RBM4: variants seen among roughly 807,000 people sequenced by gnomAD.
The protein encoded by RBM4 is RNA-binding protein 4.
RBM4 carries 7 observed loss-of-function variants against 29.5 expected under a neutral mutation model. That is an observed-to-expected ratio of 0.24 (90% CI 0.14 to 0.45). RBM4 has a LOEUF of 0.45. Among genes scored for constraint, RBM4 ranks in the 20% least tolerant of loss-of-function variants. The pLI is 1.00. For synonymous variants in RBM4, 220 were observed against 205.4 expected, an observed-to-expected ratio of 1.07 and a Z score of -0.61; for missense variants, 387 against 502.3, an observed-to-expected ratio of 0.77 and a Z score of 2.19.
Position 66,643,390 on chromosome 11 carries a change from G to T in RBM4, c.413-60G>T. On this transcript the variant is annotated intron_variant, in intron 2 of 3. Coordinates refer to ENST00000310092, the MANE Select transcript of RBM4 (RefSeq NM_002896.4). The surrounding 1 kb of genome is among the most constrained non-coding windows in gnomAD (Gnocchi z 6.1). ...GCCATTGCTATGACCAGTGTCTGGG[G>T]TAGGGGCTGGGGCTATGACTAAGAG... is the stretch of plus-strand genomic sequence containing the variant. 1 of 1,544,100 alleles carries T rather than the reference G, an allele frequency of 6.5e-7. No homozygotes were observed. Among genetic ancestry groups the T allele is most frequent in the Non-Finnish European group, 8.8e-7 (1 of 1,141,612 alleles).
At chr11:66,665,239 A>T (rs901661784) in intron 2 of RBM4, 3 of 316,846 alleles carry the variant, frequency 9.5e-6, no homozygotes, top group Admixed American at 9.4e-5. Flanking sequence ...TTTAAAGGGA[A>T]AGGAGATGCT....
At chr11:66,659,675 TTCTC>T (rs979021521) in intron 2 of RBM4, among the ~76,000 whole-genome samples, 5 of 152,246 alleles carry the variant, frequency 3.3e-5, no homozygotes, top group African/African-American at 7.2e-5. Flanking sequence ...CCTTATCCCA[TTCTC>T]TCTTTCAGCC....
downstream of RBM4, among the ~76,000 whole-genome samples, chr11:66,646,927 C>T (rs1938708681): frequency 6.6e-6 from 1 of 152,202 alleles, no homozygotes; most frequent in Admixed American, 6.5e-5. Context: ...AGGCCAGTGA[C>T]ATGTGTTGAT....
intron 2 of RBM4, chr11:66,665,728 TG>T: frequency 5.1e-6 from 7 of 1,359,572 alleles, no homozygotes; most frequent in Non-Finnish European, 7.0e-6. Context: ...TCATATCCCA[TG>T]TAATTACCTA....
At chr11:66,653,070 T>A (rs957458611) in intron 2 of RBM4, among the ~76,000 whole-genome samples, 1 of 152,172 alleles carries the variant, frequency 6.6e-6, no homozygotes, top group Non-Finnish European at 1.5e-5. Flanking sequence ...TGGTTTGAGT[T>A]CCTCTGTCCA....
At position 66,643,675 on chromosome 11, in the gene RBM4, AC is replaced by A; in HGVS notation, c.639del (p.Asn213LysfsTer155). The A allele has an allele frequency of 6.2e-7, 1 of 1,614,096 alleles. No homozygotes were observed. The highest frequency in any genetic ancestry group is 8.5e-7 in the Non-Finnish European group (1 of 1,179,998). On this transcript the variant is annotated frameshift_variant, in exon 3 of 4. Coordinates refer to ENST00000310092, the MANE Select transcript of RBM4 (RefSeq NM_002896.4). LOFTEE classifies it high-confidence loss of function. The surrounding 1 kb of genome is among the most constrained non-coding windows in gnomAD (Gnocchi z 6.1). ...TATGGGGATTCATTGTATTACAACA[AC>A]GCGTACGGAGCGCTCGATGCCTACT... The part of the protein sequence containing the change: ...MSYGDSLYYN[N>X]AYGALDAYYK...
In RBM4 at chr11:66,643,565, G is replaced by A. The variant is rs373465062; in HGVS notation, c.528G>A (p.Pro176=). 121 of 1,614,062 alleles carry A rather than the reference G, an allele frequency of 7.5e-5. No homozygotes were observed. The highest frequency in any genetic ancestry group is 2.3e-4 in the African/African-American group (17 of 74,910). The stretch of plus-strand genomic sequence containing the variant: ...AGGGGCACTGGTCCAAAGAGTGTCC[G>A]ATAGATCGTTCAGGCCGCGTGGCAG... ...GKEGHWSKEC[P]IDRSGRVADL... The change falls in exon 3 of 4, where the codon CCG becomes CCA. Residue 176 remains proline, a synonymous_variant. Coordinates refer to ENST00000310092, the MANE Select transcript of RBM4 (RefSeq NM_002896.4). This position sits in a 1 kb window ranked among gnomAD's most constrained non-coding sequence, Gnocchi z 6.1.
rs560527259 is a variant in RBM4, at chr11:66,643,291, A to T, written c.413-159A>T. 2.6e-5 allele frequency among the ~76,000 whole-genome samples: 4 copies of T among 151,432 alleles called. No individual in the cohort carries two copies. In the East Asian group the frequency reaches 7.8e-4, roughly 29 times the overall value. ...AATCAGGTCATTATACTGAATCTATATGTTGAGTCTTTTTTTTTTTTCCTT... is the reference window on the plus strand; with the variant it reads ...AATCAGGTCATTATACTGAATCTATTTGTTGAGTCTTTTTTTTTTTTCCTT... On this transcript the variant is annotated intron_variant, in intron 2 of 3. Transcript: ENST00000310092. The surrounding 1 kb of genome is among the most constrained non-coding windows in gnomAD (Gnocchi z 6.1).
At chr11:66,655,516 A>G (rs60925980) in intron 2 of RBM4, among the ~76,000 whole-genome samples, 1 of 152,222 alleles carries the variant, frequency 6.6e-6, no homozygotes, top group East Asian at 1.9e-4. Flanking sequence ...TCCTGGGCTC[A>G]AGCGATTCTC....
chr11:66,645,906 A>T, intron 3 of RBM4, 121 bp from the exon 4 acceptor site: 17 of 1,491,356 alleles, frequency 1.1e-5, no homozygotes, highest in Non-Finnish European at 1.3e-5. Flanking sequence ...CTGGGGGAGA[A>T]GGGTACAAGT....
At chr11:66,660,792 T>C (rs1939067078) in intron 2 of RBM4, among the ~76,000 whole-genome samples, 1 of 152,050 alleles carries the variant, frequency 6.6e-6, no homozygotes, top group Non-Finnish European at 1.5e-5. Flanking sequence ...TAGCTGGGAC[T>C]ACAGGCATGT....
intron 2 of RBM4, among the ~76,000 whole-genome samples, chr11:66,651,907 A>G (rs1247481346): frequency 1.5e-5 from 2 of 131,724 alleles, no homozygotes; most frequent in Non-Finnish European, 3.5e-5. Flanking sequence ...TCACCTCTCA[A>G]AAGTGTACCT....
chr11:66,647,337 A>AT (rs961531910), downstream of RBM4, among the ~76,000 whole-genome samples: 35 of 151,802 alleles, frequency 2.3e-4, no homozygotes, highest in African/African-American at 6.8e-4. Context: ...AGTTTCTCAG[A>AT]TTTTTTTTTT....
downstream of RBM4, among the ~76,000 whole-genome samples, chr11:66,649,335 A>G (rs752392300): frequency 6.6e-6 from 1 of 152,248 alleles, no homozygotes; most frequent in Non-Finnish European, 1.5e-5. Context: ...GAAAAACTCT[A>G]TCAAGAACAA....
chr11:66,667,122 G>C (rs1287854138), exon 3 of RBM4: 1 of 152,130 alleles, frequency 6.6e-6, no homozygotes, highest in African/African-American at 2.4e-5. Context: ...CAGAAACTCA[G>C]TAGTAACTCA....
chr11:66,660,754 C>T (rs924714398), intron 2 of RBM4, among the ~76,000 whole-genome samples: 4 of 151,862 alleles, frequency 2.6e-5, no homozygotes, highest in East Asian at 1.9e-4. Context: ...CCCGGGTTCA[C>T]GCCATTCTTC....
At chr11:66,651,052 T>G (rs565087908), downstream of RBM4, among the ~76,000 whole-genome samples, 14 of 152,164 alleles carry the variant, frequency 9.2e-5, no homozygotes, top group East Asian at 3.9e-4. Flanking sequence ...AAATTGGGGT[T>G]GTTTTGGGTG....
chr11:66,655,676 A>G (rs57043177), intron 2 of RBM4, among the ~76,000 whole-genome samples: 17,302 of 152,222 alleles, frequency 0.11, 1,273 homozygotes, highest in Non-Finnish European at 0.16. Flanking sequence ...GGTAGAGAGA[A>G]TATCTTGAGC....
At chr11:66,640,263 C>A (rs1938382392) in intron 2 of RBM4, 140 bp downstream of exon 2, 2 of 1,151,006 alleles carry the variant, frequency 1.7e-6, no homozygotes, top group African/African-American at 1.5e-5. Context: ...TGATGGACTT[C>A]TTATGATGTA....
Sources: allele counts gnomAD v4.1 joint callset (sites outside exome capture counted in the v4.1 genomes callset), GRCh38; gene constraint gnomAD v4.1.1; non-coding constraint Gnocchi (gnomAD v3.1); transcripts MANE v1.5; gene names NCBI Gene and HGNC (gene_info 2026-07-23, HGNC 2026-07-21).